LRRIQ4: variants seen among roughly 807,000 people sequenced by gnomAD.
The protein encoded by LRRIQ4 is leucine-rich repeat and IQ domain-containing protein 4.
LRRIQ4 carries 21 observed loss-of-function variants against 40.1 expected under a neutral mutation model. The ratio of observed to expected loss-of-function variants is 0.52; its 90% CI spans 0.37 to 0.75. The LOEUF is 0.75. Ranked by LOEUF, LRRIQ4 falls within the 30% of genes least tolerant of loss-of-function variation. The pLI is 0.00. For synonymous variants in LRRIQ4, 277 were observed against 277.1 expected, an observed-to-expected ratio of 1.00 and a Z score of 0.00; for missense variants, 655 against 660.0, an observed-to-expected ratio of 0.99 and a Z score of 0.08.
Position 169,836,946 on chromosome 3 carries a change from A to C in LRRIQ4, c.1531-533A>C, listed in dbSNP as rs1400717832. The stretch of plus-strand genomic sequence containing the variant: ...AAGCCATATAAGGACTTTGGCTTCT[A>C]TTCAGAGAGAAATGGGGAGCCACTG... On this transcript the variant is annotated intron_variant, in intron 5 of 5. Transcript: ENST00000340806. 2.0e-5 allele frequency among the ~76,000 whole-genome samples: 3 copies of C among 152,292 alleles called. No individual in the cohort carries two copies. In the East Asian group the frequency reaches 5.8e-4, roughly 29 times the overall value.
At chr3:169,833,774 G>A (rs1336057423) in intron 5 of LRRIQ4, among the ~76,000 whole-genome samples, 1 of 152,002 alleles carries the variant, frequency 6.6e-6, no homozygotes, top group African/African-American at 2.4e-5. Context: ...TTGCATGCCA[G>A]CCCCCCACAA....
At chr3:169,831,261 CTTTTTTTTT>C (rs869088396) in intron 4 of LRRIQ4, among the ~76,000 whole-genome samples, 4 of 33,462 alleles carry the variant, frequency 1.2e-4, no homozygotes, top group Admixed American at 3.5e-4. Context: ...TATGGCTATT[CTTTTTTTTT>C]TTTTTTTTTT....
rs570840026 is a variant in LRRIQ4, at chr3:169,821,858, C to T, written c.-31-33C>T. The T allele has an allele frequency of 8.3e-6, 10 of 1,207,108 alleles. 1 individual carries two copies. In the South Asian group the frequency reaches 2.2e-4, roughly 27 times the overall value. The allele number at this position is 1,207,108 out of a possible 1,614,324, so 74.8% of individuals were successfully genotyped here. On this transcript the variant is annotated intron_variant, in intron 1 of 5. Transcript: ENST00000340806. ...TAGCAAGTCTGGTGGCAGGTAAATT[C>T]TATTTTTTTTCATCCTTTTCACAAT...
chr3:169,835,018 T>G (rs534093516), intron 5 of LRRIQ4, among the ~76,000 whole-genome samples: 2 of 152,268 alleles, frequency 1.3e-5, no homozygotes, highest in African/African-American at 4.8e-5. Flanking sequence ...ATATTGATGA[T>G]TATTAGAATA....
intron 1 of LRRIQ4, among the ~76,000 whole-genome samples, chr3:169,815,933 A>G (rs1027613841): frequency 6.6e-6 from 1 of 152,218 alleles, no homozygotes; most frequent in African/African-American, 2.4e-5. Flanking sequence ...GATAGGTTGT[A>G]TCACATTGAT....
intron 1 of LRRIQ4, among the ~76,000 whole-genome samples, chr3:169,816,980 C>T (rs1190919110): frequency 2.0e-5 from 3 of 152,078 alleles, no homozygotes; most frequent in Non-Finnish European, 4.4e-5. Flanking sequence ...CTTCTACTAA[C>T]TTTGAGTTTG....
At chr3:169,827,117 C>T (rs962075911) in intron 2 of LRRIQ4, among the ~76,000 whole-genome samples, 8 of 152,066 alleles carry the variant, frequency 5.3e-5, no homozygotes, top group Non-Finnish European at 8.8e-5. Context: ...GGGTGGCTGA[C>T]TAGGGAATGG....
chr3:169,818,958 A>T (rs1168422118), intron 1 of LRRIQ4, among the ~76,000 whole-genome samples: 2 of 152,220 alleles, frequency 1.3e-5, no homozygotes, highest in African/African-American at 4.8e-5. Context: ...CTCACTGTAA[A>T]TTTGAGAGGG....
At chr3:169,827,631 G>C (rs1310247473) in intron 2 of LRRIQ4, among the ~76,000 whole-genome samples, 10 of 136,228 alleles carry the variant, frequency 7.3e-5, no homozygotes, top group Admixed American at 7.3e-4. Context: ...AAAAAAAAAA[G>C]AGATTTTTTT....
intron 5 of LRRIQ4, among the ~76,000 whole-genome samples, chr3:169,833,464 T>C (rs1223712542): frequency 1.3e-5 from 2 of 152,174 alleles, no homozygotes; most frequent in Non-Finnish European, 2.9e-5. Context: ...CTAAAATTCG[T>C]GGACTATTTC....
intron 2 of LRRIQ4, 101 bp from the exon 3 acceptor site, chr3:169,828,658 C>T: frequency 5.9e-6 from 6 of 1,013,436 alleles, no homozygotes; most frequent in South Asian, 5.9e-5. Flanking sequence ...GGCTAAGTTA[C>T]TCCACTTGTT....
At chr3:169,824,842 A>C (rs1409760907) in intron 2 of LRRIQ4, among the ~76,000 whole-genome samples, 1 of 151,964 alleles carries the variant, frequency 6.6e-6, no homozygotes, top group East Asian at 1.9e-4. Flanking sequence ...AGAAAAAAAT[A>C]GCTGTTAAGA....
rs1560611389 is a variant in LRRIQ4, at chr3:169,822,844, T to A, written c.923T>A (p.Leu308Gln). The A allele has an allele frequency of 1.2e-6, 2 of 1,613,050 alleles. No individual in the cohort carries two copies. The highest frequency in any genetic ancestry group is 3.3e-5 in the Admixed American group (2 of 59,948). ...SFRCLVNLRF[L>Q]DLSQNHLHHC... is the part of the protein sequence containing the mutation. ...AGGTGCCTGGTCAACTTGCGCTTCC[T>A]GGACCTAAGCCAGAACCATCTGCAC... The change falls in exon 2 of 6, where the codon CTG becomes CAG. Residue 308 changes from leucine (L) to glutamine (Q), a missense_variant. Physicochemically the swap from Leu to Gln is moderately radical, Grantham distance 113 (BLOSUM62 -2). Coordinates refer to ENST00000340806, the MANE Select transcript of LRRIQ4 (RefSeq NM_001080460.3).
At position 169,837,533 on chromosome 3, in the gene LRRIQ4, G is replaced by C. The variant is rs755826280; in HGVS notation, c.1585G>C (p.Glu529Gln). 2.5e-6 allele frequency: 4 copies of C among 1,608,194 alleles called. No individual in the cohort carries two copies. In the East Asian group the frequency reaches 8.9e-5, roughly 36 times the overall value. ...ACAGAGAGGATTTGGGAAATTCGGTGAACTACTAAAACCACAAAAGAAAGG... is the reference window on the plus strand; with the variant it reads ...ACAGAGAGGATTTGGGAAATTCGGTCAACTACTAAAACCACAAAAGAAAGG... The part of the protein sequence containing the change: ...MVQRGFGKFG[E>Q]LLKPQKKGKT... Residue 529 changes from glutamate to glutamine, a missense_variant, in exon 6 of 6, where the codon GAA becomes CAA. Coordinates refer to ENST00000340806, the MANE Select transcript of LRRIQ4 (RefSeq NM_001080460.3).
At chr3:169,827,063 G>T (rs542774843) in intron 2 of LRRIQ4, among the ~76,000 whole-genome samples, 15 of 152,270 alleles carry the variant, frequency 9.9e-5, no homozygotes, top group Admixed American at 7.2e-4. Context: ...ATAGAGAGGT[G>T]GGGGTGGGAG....
At chr3:169,826,792 G>A (rs927757928) in intron 2 of LRRIQ4, among the ~76,000 whole-genome samples, 2 of 152,166 alleles carry the variant, frequency 1.3e-5, no homozygotes, top group Non-Finnish European at 2.9e-5. Context: ...TTTTGAAATA[G>A]CCAAAGAGGA....
chr3:169,817,684 C>A (rs1779794954), intron 1 of LRRIQ4, among the ~76,000 whole-genome samples: 1 of 151,476 alleles, frequency 6.6e-6, no homozygotes, highest in African/African-American at 2.4e-5. Context: ...TATATAATGA[C>A]CTTTTTTGTC....
intron 1 of LRRIQ4, among the ~76,000 whole-genome samples, chr3:169,818,174 A>G (rs968794653): frequency 2.0e-5 from 3 of 152,172 alleles, no homozygotes; most frequent in African/African-American, 7.2e-5. Flanking sequence ...AAAGCCCCAC[A>G]GTCACTTTCC....
At chr3:169,824,877 A>T (rs1472238437) in intron 2 of LRRIQ4, among the ~76,000 whole-genome samples, 2 of 152,172 alleles carry the variant, frequency 1.3e-5, no homozygotes, top group African/African-American at 4.8e-5. Flanking sequence ...TAGAGGGAGT[A>T]AAAAGGGGAA....
Sources: allele counts gnomAD v4.1 joint callset (sites outside exome capture counted in the v4.1 genomes callset), GRCh38; gene constraint gnomAD v4.1.1; transcripts MANE v1.5; gene names NCBI Gene and HGNC (gene_info 2026-07-23, HGNC 2026-07-21).